DNAH9: variants seen among roughly 807,000 people sequenced by gnomAD.
DNAH9 encodes the protein dynein axonemal heavy chain 9, also known as DNAH9 variant protein.
DNAH9 carries 345 observed loss-of-function variants against 471.6 expected under a neutral mutation model. That is an observed-to-expected ratio of 0.73 (90% CI 0.67 to 0.80). The LOEUF is 0.80. DNAH9 is among the 30% of genes least tolerant of loss of function. DNAH9 has a pLI of 0.00. For synonymous variants in DNAH9, 2,093 were observed against 2,123.6 expected (o/e 0.99, Z 0.40); for missense variants, 5,407 against 5,609.2 (o/e 0.96, Z 1.15).
chr17:11,676,382 A>G lies in DNAH9; in HGVS notation c.3354-3375A>G, dbSNP rs146320887. ...ACTGCAACCTCCACCTCCCGGGTTCAAGTGATTCTTCTGCCTCAGCCTCCC... is the reference window on the plus strand; with the variant it reads ...ACTGCAACCTCCACCTCCCGGGTTCGAGTGATTCTTCTGCCTCAGCCTCCC... On this transcript the variant is annotated intron_variant, in intron 17 of 68. Coordinates refer to ENST00000262442, the MANE Select transcript of DNAH9 (RefSeq NM_001372.4). 9.6e-3 allele frequency among the ~76,000 whole-genome samples: 1,432 copies of G among 149,946 alleles called. 29 individuals carry two copies. The highest frequency in any genetic ancestry group is 0.033 in the African/African-American group (1,342 of 40,640).
chr17:11,846,380 G>A (rs1971225179), intron 49 of DNAH9, among the ~76,000 whole-genome samples: 1 of 151,126 alleles, frequency 6.6e-6, no homozygotes, highest in African/African-American at 2.5e-5. Flanking sequence ...TTTGGTACCA[G>A]TACCATGCTG....
At position 11,747,537 on chromosome 17, in the gene DNAH9, G is replaced by A. The variant is rs1597585880; in HGVS notation, c.6400-19G>A. ...GAGTCACAGGCTGGTCCCTCTGGCT[G>A]AATTTCCTGCCTCCTCAGGTGGTCC... On this transcript the variant is annotated intron_variant, in intron 31 of 68. Transcript: ENST00000262442. 37 of 1,610,392 alleles carry A rather than the reference G, an allele frequency of 2.3e-5. No homozygotes were observed. In the East Asian group the frequency reaches 8.3e-4, roughly 36 times the overall value.
At position 11,742,190 on chromosome 17, in the gene DNAH9, G is replaced by C; in HGVS notation, c.5988G>C (p.Val1996=). 1.2e-6 allele frequency: 2 copies of C among 1,614,032 alleles called. No individual in the cohort carries two copies. ...LKSLFRPCAM[V]VPDFELICEI... The stretch of plus-strand genomic sequence containing the variant: ...CTATACTCAGGCCTTGTGCAATGGT[G>C]GTTCCAGACTTTGAATTGATCTGTG... Residue 1996 remains valine, a synonymous_variant, in exon 30 of 69, where the codon GTG becomes GTC. Transcript: ENST00000262442.
intron 22 of DNAH9, among the ~76,000 whole-genome samples, chr17:11,699,013 G>A (rs143037581): frequency 0.011 from 1,599 of 152,206 alleles, 29 homozygotes; most frequent in African/African-American, 0.036. Context: ...CACTTTGGGA[G>A]GCCAAGGGGG....
At chr17:11,759,095 TTTTC>T (rs200495861) in intron 35 of DNAH9, among the ~76,000 whole-genome samples, 3,483 of 34,644 alleles carry the variant, frequency 0.1, 61 homozygotes, top group Middle Eastern at 0.26. Context: ...TCTTTTTTTT[TTTTC>T]TTTTTTTGAG....
intron 19 of DNAH9, among the ~76,000 whole-genome samples, chr17:11,681,173 G>A (rs2074127029): frequency 6.6e-6 from 1 of 152,148 alleles, no homozygotes; most frequent in Non-Finnish European, 1.5e-5. Context: ...ATGATAGGTG[G>A]TATAATTACT....
chr17:11,600,491 T>A (rs1360807863), intron 1 of DNAH9, among the ~76,000 whole-genome samples: 1 of 152,118 alleles, frequency 6.6e-6, no homozygotes, highest in Non-Finnish European at 1.5e-5. Flanking sequence ...AAAAATAATT[T>A]TAAAATAATG....
At chr17:11,906,703 T>A (rs112587720) in intron 61 of DNAH9, among the ~76,000 whole-genome samples, 1,917 of 151,176 alleles carry the variant, frequency 0.013, 40 homozygotes, top group African/African-American at 0.044. Flanking sequence ...AGGAATGAGA[T>A]CATGTCCTTT....
At chr17:11,911,571 A>G (rs569113950) in intron 61 of DNAH9, among the ~76,000 whole-genome samples, 1 of 152,174 alleles carries the variant, frequency 6.6e-6, no homozygotes, top group South Asian at 2.1e-4. Flanking sequence ...CTGTCATCTT[A>G]TGTTTCATAT....
chr17:11,697,891 T>G (rs914748295), intron 22 of DNAH9, among the ~76,000 whole-genome samples: 1 of 151,690 alleles, frequency 6.6e-6, no homozygotes, highest in Non-Finnish European at 1.5e-5. Context: ...AACTCATCTT[T>G]CACCACGTTT....
At chr17:11,819,393 TATTA>T (rs1970228981) in intron 45 of DNAH9, among the ~76,000 whole-genome samples, 1 of 152,182 alleles carries the variant, frequency 6.6e-6, no homozygotes, top group Non-Finnish European at 1.5e-5. Flanking sequence ...TAACATAACT[TATTA>T]ATTAGTCCAG....
Position 11,834,642 on chromosome 17 carries a change from A to C in DNAH9, c.9251A>C (p.Asp3084Ala), listed in dbSNP as rs577577010. Reference sequence around the variant, plus strand: ...TCCCGTGCTTCTCCAATGCAGGTGGATGATCTGAAAGCAAAGCTGGCTGCC... The same window carrying C: ...TCCCGTGCTTCTCCAATGCAGGTGGCTGATCTGAAAGCAAAGCTGGCTGCC... ...LKLHSTSAQV[D>A]DLKAKLAAQE... The change falls in exon 49 of 69, where the codon GAT becomes GCT. Residue 3084 changes from aspartate (D) to alanine (A), a missense_variant. By Grantham distance (126) the Asp-to-Ala change is moderately radical. Transcript: ENST00000262442. 1.2e-6 allele frequency: 2 copies of C among 1,613,878 alleles called. No individual in the cohort carries two copies. The highest frequency in any genetic ancestry group is 2.7e-5 in the African/African-American group (2 of 74,928).
At chr17:11,783,575 C>T (rs971068340) in intron 39 of DNAH9, 71 bp from the exon 40 acceptor site, 51 of 1,155,632 alleles carry the variant, frequency 4.4e-5, no homozygotes, top group Non-Finnish European at 5.1e-5. Context: ...CACATCCTAC[C>T]GCACCTTGAC....
intron 36 of DNAH9, among the ~76,000 whole-genome samples, chr17:11,765,397 G>A (rs938000240): frequency 6.6e-6 from 1 of 152,178 alleles, no homozygotes; most frequent in African/African-American, 2.4e-5. Flanking sequence ...GCAAAACCAT[G>A]TTCTAGAAAT....
chr17:11,694,617 G>GCT lies in DNAH9; in HGVS notation c.4872+171_4872+172dup, dbSNP rs1238284484. Among the ~76,000 whole-genome samples, 2 of 5,200 alleles carry GCT rather than the reference G, an allele frequency of 3.8e-4. 1 individual carries two copies. The highest frequency in any genetic ancestry group is 4.3e-4 in the African/African-American group (2 of 4,634). 3.4% of individuals were successfully genotyped at this position (5,200 alleles called of 152,430 possible). On this transcript the variant is annotated intron_variant, in intron 22 of 68. Coordinates refer to ENST00000262442, the MANE Select transcript of DNAH9 (RefSeq NM_001372.4). Reference sequence around the variant, plus strand: ...TACCTCGGAGCTTTCTTGCTTTCTTGCTTTCTTGCTTTCTTGCTTTCTTGC... The same window carrying GCT: ...TACCTCGGAGCTTTCTTGCTTTCTTGCTCTTTCTTGCTTTCTTGCTTTCTTGC...
intron 61 of DNAH9, among the ~76,000 whole-genome samples, chr17:11,919,819 A>G (rs1436581028): frequency 6.6e-6 from 1 of 152,156 alleles, no homozygotes; most frequent in East Asian, 1.9e-4. Context: ...AAATTAGAAA[A>G]AAACGAAGGG....
rs1283458512 is a variant in DNAH9, at chr17:11,652,954, T to C, written c.2547T>C (p.Tyr849=). 2 of 1,614,014 alleles carry C rather than the reference T, an allele frequency of 1.2e-6. No homozygotes were observed. Among genetic ancestry groups the C allele is most frequent in the Non-Finnish European group, 1.7e-6 (2 of 1,179,954 alleles). Residue 849 remains tyrosine (Y), a synonymous_variant, in exon 14 of 69, where the codon TAT becomes TAC. Coordinates refer to ENST00000262442, the MANE Select transcript of DNAH9 (RefSeq NM_001372.4). ...ATCGGCATGATCGAATGGAAAAATA[T>C]TACAATCTCATCAAGGAATCTGGCC... ...LDDRHDRMEK[Y]YNLIKESGLK... is the part of the protein sequence containing the mutation.
chr17:11,713,273 C>T (rs761250263), intron 26 of DNAH9, among the ~76,000 whole-genome samples: 8 of 152,134 alleles, frequency 5.3e-5, no homozygotes, highest in Non-Finnish European at 8.8e-5. Context: ...GCGGTGTATA[C>T]GTACCGTATT....
intron 67 of DNAH9, among the ~76,000 whole-genome samples, chr17:11,946,702 C>T (rs1451132752): frequency 6.7e-6 from 1 of 149,026 alleles, no homozygotes; most frequent in East Asian, 2.0e-4. Flanking sequence ...AAAAAATCTG[C>T]ACTTGTACCC....
Sources: gnomAD v4.1 joint callset for allele counts (sites outside exome capture counted in the v4.1 genomes callset) on GRCh38, gnomAD v4.1.1 for gene constraint, MANE v1.5 for transcripts, NCBI Gene and HGNC (gene_info 2026-07-23, HGNC 2026-07-21) for gene names.